ITCH: variants seen among roughly 807,000 people sequenced by gnomAD.
ITCH encodes the protein E3 ubiquitin-protein ligase Itchy homolog.
In ITCH, 28 loss-of-function variants were observed where a neutral mutation model predicts 126.8. The observed-to-expected ratio is 0.22, with a 90% confidence interval of 0.16 to 0.30. The LOEUF is 0.30. Among genes scored for constraint, ITCH ranks in the 10% least tolerant of loss-of-function variants. The pLI, the probability that ITCH is intolerant of heterozygous loss-of-function variation, is 1.00. For missense variants in ITCH, 631 were observed against 1,032.4 expected (o/e 0.61, Z 5.33); for synonymous variants, 342 against 340.0 (o/e 1.01, Z -0.06).
chr20:34,448,225 C>G (rs2146316946), intron 11 of ITCH, among the ~76,000 whole-genome samples: 1 of 152,138 alleles, frequency 6.6e-6, no homozygotes, highest in South Asian at 2.1e-4. Context: ...AACCCGGTCT[C>G]TACTAAAAAT....
intron 2 of ITCH, among the ~76,000 whole-genome samples, chr20:34,387,259 C>T (rs184593714): frequency 1.1e-4 from 17 of 151,160 alleles, no homozygotes; most frequent in South Asian, 4.2e-4. Flanking sequence ...GGGGAGATTG[C>T]GCCCCTGCAC....
chr20:34,489,565 G>A (rs375000661), intron 21 of ITCH, among the ~76,000 whole-genome samples, 179 bp downstream of exon 21: 1 of 152,202 alleles, frequency 6.6e-6, no homozygotes, highest in African/African-American at 2.4e-5. Context: ...TAAAACAATA[G>A]TATTACCCCC....
At chr20:34,395,336 T>C (rs2038637760) in intron 3 of ITCH, among the ~76,000 whole-genome samples, 1 of 152,134 alleles carries the variant, frequency 6.6e-6, no homozygotes, top group Admixed American at 6.6e-5. Flanking sequence ...GTTTTCTTCT[T>C]TGGTGGATCT....
intron 24 of ITCH, among the ~76,000 whole-genome samples, chr20:34,506,746 C>T (rs998333135): frequency 3.3e-5 from 5 of 152,162 alleles, no homozygotes; most frequent in Admixed American, 2.0e-4. Flanking sequence ...ACTCCCTTTC[C>T]CCAGGTCCTG....
chr20:34,456,607 A>T, intron 12 of ITCH, among the ~76,000 whole-genome samples: 1 of 141,944 alleles, frequency 7.0e-6, no homozygotes. Flanking sequence ...CACTCCAGCC[A>T]GGGTGACAAA....
At chr20:34,441,973 A>G (rs1010860463) in intron 9 of ITCH, 9 of 516,124 alleles carry the variant, frequency 1.7e-5, no homozygotes, top group African/African-American at 3.9e-5. Flanking sequence ...CTTCAGGAAT[A>G]TGTTTTCTCC....
intron 2 of ITCH, among the ~76,000 whole-genome samples, chr20:34,374,976 G>A (rs2037778677): frequency 6.6e-6 from 1 of 151,020 alleles, no homozygotes; most frequent in South Asian, 2.1e-4. Flanking sequence ...CCTGACCTCA[G>A]GTGATCCACC....
At chr20:34,390,760 CT>C (rs1335084363) in intron 2 of ITCH, among the ~76,000 whole-genome samples, 15 of 139,610 alleles carry the variant, frequency 1.1e-4, no homozygotes, top group South Asian at 4.6e-4. Flanking sequence ...TAGATTTAAT[CT>C]TTTTTTTTTC....
chr20:34,372,028 C>T (rs925099756), intron 2 of ITCH, among the ~76,000 whole-genome samples: 10 of 152,034 alleles, frequency 6.6e-5, no homozygotes, highest in Non-Finnish European at 1.3e-4. Context: ...AGGCTTCGGC[C>T]GGCCGCGGTG....
chr20:34,477,930 G>T, intron 17 of ITCH, 70 bp downstream of exon 17: 1 of 1,591,982 alleles, frequency 6.3e-7, no homozygotes, highest in Non-Finnish European at 8.6e-7. Context: ...TCGCTTGCAA[G>T]TATTATTTTC....
At chr20:34,417,783 A>G (rs1434577692) in intron 6 of ITCH, among the ~76,000 whole-genome samples, 2 of 145,812 alleles carry the variant, frequency 1.4e-5, no homozygotes, top group Non-Finnish European at 3.0e-5. Context: ...AGGTGTGGGC[A>G]GTTCATATCT....
intron 6 of ITCH, among the ~76,000 whole-genome samples, chr20:34,419,694 G>A (rs1980486057): frequency 6.6e-6 from 1 of 152,090 alleles, no homozygotes; most frequent in Admixed American, 6.5e-5. Context: ...TCACTCTGTC[G>A]CCCAGGCTGG....
At chr20:34,398,907 G>T (rs2038772759) in intron 3 of ITCH, among the ~76,000 whole-genome samples, 1 of 152,094 alleles carries the variant, frequency 6.6e-6, no homozygotes, top group Non-Finnish European at 1.5e-5. Flanking sequence ...AGAATCAAAT[G>T]CCCTTCATAA....
rs1465969470 is a variant in ITCH at position 34,441,650 on chromosome 20, A to G, written c.870-558A>G. ...GTCCAGGCTGGAGTGCAATGATGCA[A>G]TCTTGGCTTACTGCAACCACTGCCT... On this transcript the variant is annotated intron_variant, in intron 9 of 24. Transcript: ENST00000374864. 5.1e-5 allele frequency: 8 copies of G among 156,940 alleles called. No homozygotes were observed. The East Asian group carries it at 1.1e-3, about 21-fold the overall frequency. The allele number at this position is 156,940 out of a possible 1,614,324, so 9.7% of individuals were successfully genotyped here.
chr20:34,491,663 ATAAT>A (rs1211063011), intron 22 of ITCH, among the ~76,000 whole-genome samples: 35 of 152,356 alleles, frequency 2.3e-4, no homozygotes, highest in African/African-American at 6.7e-4. Flanking sequence ...CAATTGTAGG[ATAAT>A]TAATAATACT....
intron 1 of ITCH, among the ~76,000 whole-genome samples, chr20:34,368,172 A>G (rs1337972546): frequency 6.6e-6 from 1 of 151,996 alleles, no homozygotes; most frequent in Non-Finnish European, 1.5e-5. Flanking sequence ...TGGGAGGCTG[A>G]GGCAGGAGAA....
chr20:34,468,128 G>A (rs951548127), intron 14 of ITCH, among the ~76,000 whole-genome samples: 7 of 149,280 alleles, frequency 4.7e-5, no homozygotes, highest in African/African-American at 9.9e-5. Context: ...TCTGCCTCCC[G>A]GGTTCACGCC....
chr20:34,439,429 A>G (rs1983449750), intron 8 of ITCH, among the ~76,000 whole-genome samples: 1 of 151,980 alleles, frequency 6.6e-6, no homozygotes, highest in African/African-American at 2.4e-5. Flanking sequence ...TGAGCCACCA[A>G]TGCCTGGCTA....
In ITCH at chr20:34,464,418, C is replaced by A. The variant is rs1411345936; in HGVS notation, c.1424+2197C>A. On this transcript the variant is annotated intron_variant, in intron 14 of 24. Transcript: ENST00000374864. Reference sequence around the variant, plus strand: ...CTCGGCTCACCACAACTTCTGCCTCCTGGGTTCAAGCTATTCTCCTGCTTC... The same window carrying A: ...CTCGGCTCACCACAACTTCTGCCTCATGGGTTCAAGCTATTCTCCTGCTTC... Among the ~76,000 whole-genome samples, 6 of 151,564 alleles carry A rather than the reference C, an allele frequency of 4.0e-5. No homozygotes were observed. The South Asian group carries it at 1.2e-3, about 32-fold the overall frequency.
Sources: gnomAD v4.1 joint callset for allele counts (sites outside exome capture counted in the v4.1 genomes callset) on GRCh38, gnomAD v4.1.1 for gene constraint, MANE v1.5 for transcripts, NCBI Gene and HGNC (gene_info 2026-07-23, HGNC 2026-07-21) for gene names.